Variants in CWF19L2 observed in about 807,000 individuals in gnomAD.
The protein encoded by CWF19L2 is CWF19-like protein 2.
In CWF19L2, 98 loss-of-function variants were observed where a neutral mutation model predicts 111.7. The ratio of observed to expected loss-of-function variants is 0.88; its 90% CI spans 0.75 to 1.04. The LOEUF is 1.04. Ranked by LOEUF, CWF19L2 falls within the 50% of genes least tolerant of loss-of-function variation. CWF19L2 has a pLI of 0.00. For synonymous variants in CWF19L2, 351 were observed against 342.9 expected, an observed-to-expected ratio of 1.02 and a Z score of -0.26; for missense variants, 1,101 against 1,051.4, an observed-to-expected ratio of 1.05 and a Z score of -0.65.
chr11:107,337,581 C>T (rs894075604), intron 14 of CWF19L2, among the ~76,000 whole-genome samples: 1 of 152,206 alleles, frequency 6.6e-6, no homozygotes, highest in Admixed American at 6.5e-5. Flanking sequence ...AGCCCAGCTC[C>T]GTCCACATCA....
At chr11:107,455,562 G>T in intron 2 of CWF19L2, 104 bp downstream of exon 2, 1 of 629,810 alleles carries the variant, frequency 1.6e-6, no homozygotes, top group Non-Finnish European at 2.6e-6. Context: ...TATTCATTTT[G>T]TAACTTATGA....
At chr11:107,333,502 T>C (rs1859879597) in intron 16 of CWF19L2, among the ~76,000 whole-genome samples, 1 of 152,154 alleles carries the variant, frequency 6.6e-6, no homozygotes, top group Non-Finnish European at 1.5e-5. Flanking sequence ...GCATGAGAAA[T>C]TATAACATGA....
At chr11:107,407,268 G>A (rs1861092522) in intron 10 of CWF19L2, among the ~76,000 whole-genome samples, 1 of 151,796 alleles carries the variant, frequency 6.6e-6, no homozygotes, top group South Asian at 2.1e-4. Context: ...TCTACAATAT[G>A]GTTAATTTTA....
intron 10 of CWF19L2, among the ~76,000 whole-genome samples, chr11:107,410,450 C>T (rs1861141084): frequency 6.6e-6 from 1 of 152,054 alleles, no homozygotes; most frequent in Non-Finnish European, 1.5e-5. Context: ...ACCTTCTCTG[C>T]AGAGAAGATG....
At position 107,441,500 on chromosome 11, in the gene CWF19L2, T is replaced by TA. The variant is rs752436706; in HGVS notation, c.570+2dup. 6.6e-7 allele frequency: 1 copy of TA among 1,522,424 alleles called. No individual in the cohort carries two copies. The highest frequency in any genetic ancestry group is 1.3e-5 in the South Asian group (1 of 77,698). 94.3% of individuals were successfully genotyped at this position (1,522,424 alleles called of 1,614,324 possible). ...AGTTAAAGCATTTCAAATATTCTCT[T>TA]ACCTGTTCAAGCGCTTGGTTTTTCT... On this transcript the variant is annotated splice_region_variant and intron_variant, in intron 5 of 17. Transcript: ENST00000282251.
In CWF19L2 at chr11:107,367,893, T is replaced by C. The variant is rs1170298584; in HGVS notation, c.1873-14157A>G. Among the ~76,000 whole-genome samples, 11 of 137,640 alleles carry C rather than the reference T, an allele frequency of 8.0e-5. 3 individuals are homozygous for C. Among genetic ancestry groups the C allele is most frequent in the African/African-American group, 3.2e-4 (11 of 34,576 alleles). The allele number at this position is 137,640 out of a possible 152,430, so 90.3% of individuals were successfully genotyped here. On this transcript the variant is annotated intron_variant, in intron 12 of 17. Coordinates refer to ENST00000282251, the MANE Select transcript of CWF19L2 (RefSeq NM_152434.3). ...TTTGTATCCTGAAACTTTACTGAAT[T>C]TTTTTAAACAAATGAAACTGCAAAT...
intron 8 of CWF19L2, among the ~76,000 whole-genome samples, chr11:107,424,334 ACT>A (rs1861344969): frequency 6.6e-6 from 1 of 151,678 alleles, no homozygotes. Context: ...TAAAAAGGAT[ACT>A]GACTCTTTTC....
intron 16 of CWF19L2, among the ~76,000 whole-genome samples, chr11:107,330,869 T>C (rs1859840278): frequency 6.6e-6 from 1 of 152,160 alleles, no homozygotes; most frequent in Non-Finnish European, 1.5e-5. Flanking sequence ...CTGTACTTAC[T>C]TATTTGGGCA....
intron 3 of CWF19L2, among the ~76,000 whole-genome samples, chr11:107,443,268 G>C (rs1002894234): frequency 1.3e-5 from 2 of 152,042 alleles, no homozygotes; most frequent in Non-Finnish European, 2.9e-5. Flanking sequence ...ATTACTTGAG[G>C]TCAGGAGTAC....
chr11:107,429,279 T>C lies in CWF19L2; in HGVS notation c.953A>G (p.Tyr318Cys), dbSNP rs1378285992. 1 of 1,613,270 alleles carries C rather than the reference T, an allele frequency of 6.2e-7. No homozygotes were observed. Among genetic ancestry groups the C allele is most frequent in the Non-Finnish European group, 8.5e-7 (1 of 1,179,630 alleles). The change falls in exon 8 of 18, where the codon TAT becomes TGT. Residue 318 changes from tyrosine (Y) to cysteine (C), a missense_variant. By Grantham distance (194) the Tyr-to-Cys change is radical (BLOSUM62 -2). Transcript: ENST00000282251. ...ATTTTTTGCAGTATCTGTTGTAGCA[T>C]ATCTATCCCTTGAACTGTTACCATA... ...VKYGNSSRDR[Y>C]ATTDTAKNSN...
chr11:107,457,456 T>C (rs1263783261), intron 1 of CWF19L2, among the ~76,000 whole-genome samples: 3 of 152,078 alleles, frequency 2.0e-5, no homozygotes, highest in Non-Finnish European at 4.4e-5. Flanking sequence ...AAAGAATGGG[T>C]AACTTAAAAG....
intron 12 of CWF19L2, among the ~76,000 whole-genome samples, chr11:107,371,012 C>CTTTT (rs577136063): frequency 5.0e-5 from 5 of 100,024 alleles, no homozygotes; most frequent in East Asian, 3.1e-4. Flanking sequence ...TCTAGTTTCT[C>CTTTT]TTTTTTTTTT....
intron 8 of CWF19L2, among the ~76,000 whole-genome samples, chr11:107,426,309 A>C (rs1861375789): frequency 6.6e-6 from 1 of 151,910 alleles, no homozygotes; most frequent in South Asian, 2.1e-4. Flanking sequence ...TCAACTACAC[A>C]TATGGCAAAG....
chr11:107,400,650 G>C (rs1748490366), intron 10 of CWF19L2, among the ~76,000 whole-genome samples: 1 of 152,148 alleles, frequency 6.6e-6, no homozygotes, highest in Non-Finnish European at 1.5e-5. Context: ...AGAAGAATTG[G>C]TACCAATCCT....
At chr11:107,345,501 G>C (rs1217707593) in intron 14 of CWF19L2, 2 of 459,072 alleles carry the variant, frequency 4.4e-6, no homozygotes, top group Non-Finnish European at 9.0e-6. Flanking sequence ...CTGGAGAATA[G>C]TGAAGAAGGC....
chr11:107,352,029 C>T (rs1860162778), intron 13 of CWF19L2, among the ~76,000 whole-genome samples: 1 of 152,160 alleles, frequency 6.6e-6, no homozygotes, highest in Non-Finnish European at 1.5e-5. Flanking sequence ...ATTCTCAGGT[C>T]TGATGTATAA....
In CWF19L2 at chr11:107,457,698, C is replaced by G; in HGVS notation, c.105+14G>C. 1 of 1,545,242 alleles carries G rather than the reference C, an allele frequency of 6.5e-7. No homozygotes were observed. The highest frequency in any genetic ancestry group is 2.4e-5 in the East Asian group (1 of 40,876). ...CAACAATAAATAACTACAAAAGCCCCAAAACAGAGGTACCTGGCGCAACAC... is the reference window on the plus strand; with the variant it reads ...CAACAATAAATAACTACAAAAGCCCGAAAACAGAGGTACCTGGCGCAACAC... On this transcript the variant is annotated intron_variant, in intron 1 of 17. Coordinates refer to ENST00000282251, the MANE Select transcript of CWF19L2 (RefSeq NM_152434.3).
intron 5 of CWF19L2, among the ~76,000 whole-genome samples, chr11:107,439,489 T>G (rs979324694): frequency 4.6e-5 from 7 of 152,194 alleles, no homozygotes; most frequent in African/African-American, 1.7e-4. Context: ...AACAGACATG[T>G]ACTTTGAAGA....
intron 12 of CWF19L2, among the ~76,000 whole-genome samples, chr11:107,371,572 T>C (rs1177921858): frequency 1.0e-5 from 1 of 97,532 alleles, no homozygotes; most frequent in Non-Finnish European, 1.9e-5. Context: ...GCTCATGCCA[T>C]TTGTTAAACA....
Sources: gnomAD v4.1 joint callset for allele counts (sites outside exome capture counted in the v4.1 genomes callset) on GRCh38, gnomAD v4.1.1 for gene constraint, MANE v1.5 for transcripts, NCBI Gene and HGNC (gene_info 2026-07-23, HGNC 2026-07-21) for gene names.